The following AKAP6 variants were observed in gnomAD, a reference collection of about 807,000 sequenced individuals.
AKAP6 encodes the protein A-kinase anchoring protein 6, also known as A-kinase anchor protein 6.
In AKAP6, 58 loss-of-function variants were observed where a neutral mutation model predicts 188.5. The ratio of observed to expected loss-of-function variants is 0.31; its 90% CI spans 0.25 to 0.38. The LOEUF is 0.38. AKAP6 is among the 10% of genes least tolerant of loss of function. The pLI is 1.00. For missense variants in AKAP6, 2,710 were observed against 2,740.0 expected (o/e 0.99, Z 0.24); for synonymous variants, 989 against 998.6 (o/e 0.99, Z 0.18).
intron 11 of AKAP6, 45 bp downstream of exon 11, chr14:32,735,927 T>C (rs1348705625): frequency 2.1e-6 from 3 of 1,397,824 alleles, no homozygotes; most frequent in Non-Finnish European, 3.0e-6. Flanking sequence ...CTTTTTATGG[T>C]AGGGATGAAA....
At chr14:32,544,923 A>G (rs940631342) in intron 3 of AKAP6, among the ~76,000 whole-genome samples, 1 of 152,208 alleles carries the variant, frequency 6.6e-6, no homozygotes, top group Admixed American at 6.5e-5. Flanking sequence ...AATTCTTATT[A>G]AATGAATAAT....
intron 3 of AKAP6, among the ~76,000 whole-genome samples, chr14:32,536,588 T>C (rs1165018652): frequency 2.0e-5 from 3 of 152,196 alleles, no homozygotes; most frequent in Non-Finnish European, 2.9e-5. Context: ...CTCCCATGAT[T>C]CATGTTTTAG....
Position 32,555,594 on chromosome 14 carries a change from C to T in AKAP6, c.2346+8595C>T, listed in dbSNP as rs557997357. 2.6e-5 allele frequency among the ~76,000 whole-genome samples: 4 copies of T among 152,282 alleles called. No individual in the cohort carries two copies. The East Asian group carries it at 7.7e-4, about 29-fold the overall frequency. The stretch of plus-strand genomic sequence containing the variant: ...ACTCTATACCCATTAAATAACAACT[C>T]CCCTTTCCCTCTCCCTGCTGTCCTC... On this transcript the variant is annotated intron_variant, in intron 4 of 13. Transcript: ENST00000280979.
At chr14:32,635,475 A>G (rs1423463452) in intron 7 of AKAP6, among the ~76,000 whole-genome samples, 1 of 152,118 alleles carries the variant, frequency 6.6e-6, no homozygotes, top group African/African-American at 2.4e-5. Context: ...ATCTGTAATT[A>G]TGAAATCGAA....
intron 7 of AKAP6, among the ~76,000 whole-genome samples, chr14:32,624,040 A>G (rs3784204): frequency 0.11 from 15,986 of 152,156 alleles, 1,529 homozygotes; most frequent in East Asian, 0.52. Flanking sequence ...GGTGCTGAAA[A>G]TGCAGCGGGA....
rs1883190285 is a variant in AKAP6, at chr14:32,546,197, C to G, written c.1544C>G (p.Thr515Ser). Residue 515 changes from threonine to serine, a missense_variant, in exon 4 of 14, where the codon ACT (threonine) becomes AGT (serine). Thr to Ser is a moderately conservative substitution (Grantham distance 58). Around this residue, in one of 2 missense-constraint regions of AKAP6, gnomAD observed 2,473 missense variants for 2,426.1 expected, o/e 1.02. Transcript: ENST00000280979. ...CCATGCCGAACACCTAAACGGGGGA[C>G]TGGTTCAGGCAAACAAGCTAAAAAT... ...VPPCRTPKRG[T>S]GSGKQAKNTK... 1 of 1,614,020 alleles carries G rather than the reference C, an allele frequency of 6.2e-7. No homozygotes were observed. Among genetic ancestry groups the G allele is most frequent in the Admixed American group, 1.7e-5 (1 of 59,996 alleles).
chr14:32,778,827 A>G (rs1404312825), intron 12 of AKAP6, among the ~76,000 whole-genome samples: 1 of 151,508 alleles, frequency 6.6e-6, no homozygotes, highest in Non-Finnish European at 1.5e-5. Flanking sequence ...GATTACAGGC[A>G]TGAGTCGCCA....
intron 1 of AKAP6, among the ~76,000 whole-genome samples, chr14:32,423,571 A>G (rs996434879): frequency 6.6e-6 from 1 of 152,170 alleles, no homozygotes; most frequent in Non-Finnish European, 1.5e-5. Context: ...GCTGAATTGT[A>G]ATACAGGTAA....
chr14:32,742,035 T>A lies in AKAP6; in HGVS notation c.3372+6153T>A, dbSNP rs190915920. ...TTCTTTACTGGGGGATTTTTTATTA[T>A]GGCTTCAATCTCATTACTTGTTATT... On this transcript the variant is annotated intron_variant, in intron 11 of 13. Coordinates refer to ENST00000280979, the MANE Select transcript of AKAP6 (RefSeq NM_004274.5). 1.8e-3 allele frequency among the ~76,000 whole-genome samples: 270 copies of A among 151,888 alleles called. 1 individual carries two copies. Among genetic ancestry groups the A allele is most frequent in the Admixed American group, 3.1e-3 (48 of 15,250 alleles).
chr14:32,513,903 G>T lies in AKAP6; in HGVS notation c.325-21651G>T, dbSNP rs577639127. ...ATATGCCTTGAACATCTTCTGATGC[G>T]ATTAAATATATTTTACAATGTTTTT... On this transcript the variant is annotated intron_variant, in intron 2 of 13. Transcript: ENST00000280979. Among the ~76,000 whole-genome samples the T allele has an allele frequency of 2.6e-5, 4 of 152,006 alleles. No individual in the cohort carries two copies. In the South Asian group the frequency reaches 8.3e-4, roughly 32 times the overall value.
In AKAP6 at chr14:32,764,695, TAC is replaced by T. The variant is rs34290753; in HGVS notation, c.3373-8962_3373-8961del. On this transcript the variant is annotated intron_variant, in intron 11 of 13. Coordinates refer to ENST00000280979, the MANE Select transcript of AKAP6 (RefSeq NM_004274.5). Reference sequence around the variant, plus strand: ...TTGTCAAATAGATAGATGACAATAATACACACACACACACACACACACGCACA... The same window carrying T: ...TTGTCAAATAGATAGATGACAATAATACACACACACACACACACACGCACA... 1.6e-3 allele frequency among the ~76,000 whole-genome samples: 238 copies of T among 148,378 alleles called. 1 individual carries two copies. The East Asian group carries it at 0.02, about 13-fold the overall frequency.
intron 2 of AKAP6, among the ~76,000 whole-genome samples, chr14:32,452,437 T>TC (rs1294152398): frequency 6.6e-6 from 1 of 152,234 alleles, no homozygotes; most frequent in Admixed American, 6.5e-5. Flanking sequence ...TTCTGTTTTT[T>TC]CCCTATTATA....
At chr14:32,707,766 T>TA (rs1230542831) in intron 9 of AKAP6, among the ~76,000 whole-genome samples, 54 of 152,264 alleles carry the variant, frequency 3.5e-4, no homozygotes, top group African/African-American at 1.2e-3. Flanking sequence ...AGTCTATTTT[T>TA]ATGCTGTGAT....
At chr14:32,686,639 T>G (rs1475061830) in intron 8 of AKAP6, among the ~76,000 whole-genome samples, 1 of 152,026 alleles carries the variant, frequency 6.6e-6, no homozygotes, top group African/African-American at 2.4e-5. Flanking sequence ...GAGGGATATG[T>G]AGAGGGAGGG....
chr14:32,531,642 T>C (rs1268940503), intron 2 of AKAP6, among the ~76,000 whole-genome samples: 1 of 152,206 alleles, frequency 6.6e-6, no homozygotes, highest in Non-Finnish European at 1.5e-5. Flanking sequence ...TTTAGAATCA[T>C]GCCCTCCCCA....
At chr14:32,736,979 C>T (rs2031457833) in intron 11 of AKAP6, among the ~76,000 whole-genome samples, 1 of 152,146 alleles carries the variant, frequency 6.6e-6, no homozygotes, top group South Asian at 2.1e-4. Context: ...AACTGACAGA[C>T]TAAACTGGAA....
At chr14:32,745,421 G>T (rs1049121117) in intron 11 of AKAP6, among the ~76,000 whole-genome samples, 1 of 149,930 alleles carries the variant, frequency 6.7e-6, no homozygotes. Flanking sequence ...AGAGACTCTT[G>T]TTTTTTTCCC....
chr14:32,729,692 G>C (rs963837522), intron 9 of AKAP6, among the ~76,000 whole-genome samples: 1 of 152,238 alleles, frequency 6.6e-6, no homozygotes, highest in Non-Finnish European at 1.5e-5. Flanking sequence ...CCTTTCAAGA[G>C]AGTATATTTT....
intron 2 of AKAP6, among the ~76,000 whole-genome samples, chr14:32,499,318 AGTG>A (rs1880484751): frequency 8.3e-6 from 1 of 120,304 alleles, no homozygotes; most frequent in Admixed American, 9.6e-5. Flanking sequence ...ATAAAAAATA[AGTG>A]TAACAGCAAA....
Sources: allele counts gnomAD v4.1 joint callset (sites outside exome capture counted in the v4.1 genomes callset), GRCh38; gene constraint gnomAD v4.1.1; regional missense constraint gnomAD v4.1.1; transcripts MANE v1.5; gene names NCBI Gene and HGNC (gene_info 2026-07-23, HGNC 2026-07-21).